Variants in MCF2L observed in about 807,000 individuals in gnomAD.
The protein encoded by MCF2L is guanine nucleotide exchange factor DBS.
MCF2L carries 97 observed loss-of-function variants against 153.4 expected under a neutral mutation model. The observed-to-expected ratio is 0.63, with a 90% confidence interval of 0.54 to 0.75. The LOEUF (loss-of-function observed/expected upper bound fraction) is 0.75, where lower values mean the gene tolerates loss of function less well. Ranked by LOEUF, MCF2L falls within the 30% of genes least tolerant of loss-of-function variation. The pLI is 0.00. For missense variants in MCF2L, 1,347 were observed against 1,495.2 expected, an observed-to-expected ratio of 0.90 and a Z score of 1.64; for synonymous variants, 659 against 632.2, an observed-to-expected ratio of 1.04 and a Z score of -0.64.
intron 4 of MCF2L, among the ~76,000 whole-genome samples, chr13:113,052,284 G>A (rs757319698): frequency 8.5e-5 from 13 of 152,154 alleles, no homozygotes; most frequent in Admixed American, 1.3e-4. Flanking sequence ...GTTTTTTCTC[G>A]CAGAGAAGAG....
At chr13:113,047,280 A>G (rs962990661) in intron 4 of MCF2L, 1 of 152,258 alleles carries the variant, frequency 6.6e-6, no homozygotes, top group African/African-American at 2.4e-5. Flanking sequence ...CAAAAATCCC[A>G]TCCATATCAA....
intron 2 of MCF2L, among the ~76,000 whole-genome samples, chr13:112,964,173 A>G (rs4907478): frequency 0.28 from 42,872 of 151,416 alleles, 6,140 homozygotes; most frequent in African/African-American, 0.29. Flanking sequence ...TGCCCACAGC[A>G]ACAACTCTTG....
At chr13:112,942,208 G>T (rs904687577) in intron 2 of MCF2L, among the ~76,000 whole-genome samples, 2 of 152,154 alleles carry the variant, frequency 1.3e-5, no homozygotes, top group Admixed American at 6.5e-5. Context: ...GTTCCATCCT[G>T]TACACCTGGC....
chr13:113,066,643 G>T (rs181570689), intron 8 of MCF2L, among the ~76,000 whole-genome samples: 90 of 152,224 alleles, frequency 5.9e-4, no homozygotes, highest in African/African-American at 2.0e-3. Context: ...TAGGGCACTC[G>T]TGTGGTTGGC....
intron 15 of MCF2L, among the ~76,000 whole-genome samples, chr13:113,079,778 C>T (rs61966401): frequency 0.012 from 1,736 of 139,702 alleles, 38 homozygotes; most frequent in Middle Eastern, 0.061. Context: ...AGCAGAGGGG[C>T]GTCTGCACGG....
Position 112,984,567 on chromosome 13 carries a change from G to A in MCF2L, c.79+15109G>A, listed in dbSNP as rs188447246. Among the ~76,000 whole-genome samples the A allele has an allele frequency of 8.5e-5, 13 of 152,302 alleles. No individual in the cohort carries two copies. The East Asian group carries it at 2.5e-3, about 29-fold the overall frequency. On this transcript the variant is annotated intron_variant, in intron 1 of 29. Coordinates refer to ENST00000535094, the MANE Select transcript of MCF2L (RefSeq NM_001112732.3). ...AATTCTCTTCATAAAACGTGTTTGA[G>A]ATTGGCACAGGAAGTTTCAAACAGA...
chr13:113,048,005 G>A (rs1408370686), intron 4 of MCF2L, among the ~76,000 whole-genome samples: 3 of 152,156 alleles, frequency 2.0e-5, no homozygotes, highest in African/African-American at 4.8e-5. Flanking sequence ...CGGGTTAGAT[G>A]ACAAGAGCTT....
chr13:112,981,708 A>G (rs1397248597), intron 1 of MCF2L, among the ~76,000 whole-genome samples: 1 of 152,226 alleles, frequency 6.6e-6, no homozygotes, highest in East Asian at 1.9e-4. Context: ...GGGGACGCAT[A>G]GCCCAGGTGT....
At chr13:112,954,414 C>A (rs2081732726) in intron 2 of MCF2L, among the ~76,000 whole-genome samples, 1 of 152,194 alleles carries the variant, frequency 6.6e-6, no homozygotes, top group African/African-American at 2.4e-5. Context: ...CAGCTGCATC[C>A]TGACGTGCTG....
chr13:112,949,011 G>A lies in MCF2L; in HGVS notation c.169+46640G>A, dbSNP rs147116664. ...TGGGAAGCGGAGGTTGCAGTGGGCC[G>A]AGATTGTGCTACTGCACTCCCACCT... On this transcript the variant is annotated intron_variant, in intron 2 of 29. Transcript: ENST00000375608. Among the ~76,000 whole-genome samples the A allele has an allele frequency of 4.3e-3, 657 of 152,336 alleles. 1 individual carries two copies. The highest frequency in any genetic ancestry group is 0.015 in the African/African-American group (641 of 41,580).
At chr13:113,015,322 A>G (rs2084436580) in intron 2 of MCF2L, among the ~76,000 whole-genome samples, 1 of 152,238 alleles carries the variant, frequency 6.6e-6, no homozygotes, top group South Asian at 2.1e-4. Flanking sequence ...GGGTACAGCA[A>G]GGGCACCTGC....
intron 1 of MCF2L, among the ~76,000 whole-genome samples, chr13:112,980,864 G>C (rs567488345): frequency 2.6e-5 from 4 of 152,338 alleles, no homozygotes; most frequent in African/African-American, 9.6e-5. Flanking sequence ...GCACACGCCA[G>C]GGTGTCCAGC....
chr13:112,970,167 G>A (rs551481557), intron 1 of MCF2L, among the ~76,000 whole-genome samples: 1 of 152,262 alleles, frequency 6.6e-6, no homozygotes. Context: ...CGTTTTCCTT[G>A]AAATGAAGAG....
At chr13:112,964,086 T>C (rs3011471) in intron 2 of MCF2L, among the ~76,000 whole-genome samples, 98,691 of 143,214 alleles carry the variant, frequency 0.69, 32,486 homozygotes, top group Non-Finnish European at 0.73. Flanking sequence ...GCAGGTGCAC[T>C]TCGGTGCAGG....
chr13:113,029,395 C>T lies in MCF2L; in HGVS notation c.278+4637C>T, dbSNP rs115500970. Among the ~76,000 whole-genome samples, 456 of 152,332 alleles carry T rather than the reference C, an allele frequency of 3.0e-3. 2 individuals are homozygous for T. Among genetic ancestry groups the T allele is most frequent in the African/African-American group, 0.01 (429 of 41,574 alleles). On this transcript the variant is annotated intron_variant, in intron 3 of 29. Transcript: ENST00000535094. Reference sequence around the variant, plus strand: ...CTAAGGGAAATCTTCTTCCTAAGGGCATCTACGGGATGCCTTCTTGAGAAG... The same window carrying T: ...CTAAGGGAAATCTTCTTCCTAAGGGTATCTACGGGATGCCTTCTTGAGAAG...
At chr13:113,085,689 G>A (rs1289994876) in intron 20 of MCF2L, among the ~76,000 whole-genome samples, 2 of 95,068 alleles carry the variant, frequency 2.1e-5, no homozygotes, top group African/African-American at 4.4e-5. Flanking sequence ...GAGCAGGTGC[G>A]AGGGGTTTGC....
intron 5 of MCF2L, among the ~76,000 whole-genome samples, chr13:113,062,340 G>C (rs1381407309): frequency 6.6e-6 from 1 of 152,000 alleles, no homozygotes; most frequent in Admixed American, 6.6e-5. Context: ...AGCACCTCTC[G>C]TGGTGGCTTG....
chr13:112,947,301 C>A (rs752248924), intron 2 of MCF2L, among the ~76,000 whole-genome samples: 2 of 152,168 alleles, frequency 1.3e-5, no homozygotes, highest in Non-Finnish European at 2.9e-5. Flanking sequence ...AATGCATGTT[C>A]TTTTCACATG....
At chr13:113,065,858 G>C (rs1229859566) in intron 7 of MCF2L, among the ~76,000 whole-genome samples, 188 bp from the exon 8 acceptor site, 1 of 152,226 alleles carries the variant, frequency 6.6e-6, no homozygotes, top group African/African-American at 2.4e-5. Flanking sequence ...ACAGGAGTGA[G>C]GGAGGCCCCC....
Sources: gnomAD v4.1 joint callset for allele counts (sites outside exome capture counted in the v4.1 genomes callset) on GRCh38, gnomAD v4.1.1 for gene constraint, MANE v1.5 for transcripts, NCBI Gene and HGNC (gene_info 2026-07-23, HGNC 2026-07-21) for gene names.